The following FAM135B variants were observed in gnomAD, a reference collection of about 807,000 sequenced individuals.
FAM135B encodes the protein protein FAM135B.
Under a neutral mutation model 127.7 loss-of-function variants are expected in FAM135B, and 43 were observed. The ratio of observed to expected loss-of-function variants is 0.34; its 90% confidence interval spans 0.26 to 0.43. The LOEUF (loss-of-function observed/expected upper bound fraction) is 0.43. FAM135B is among the 20% of genes least tolerant of loss of function. FAM135B has a pLI of 1.00. For synonymous variants in FAM135B, 670 were observed against 665.1 expected, an observed-to-expected ratio of 1.01 and a Z score of -0.11; for missense variants, 1,558 against 1,725.6, an observed-to-expected ratio of 0.90 and a Z score of 1.72.
intron 2 of FAM135B, among the ~76,000 whole-genome samples, chr8:138,348,539 T>C (rs866828558): frequency 3.9e-5 from 6 of 152,320 alleles, no homozygotes; most frequent in Admixed American, 2.0e-4. Context: ...ACTCAATCCT[T>C]CACCATTTTC....
intron 15 of FAM135B, among the ~76,000 whole-genome samples, chr8:138,145,391 C>G (rs1817565237): frequency 6.6e-6 from 1 of 152,140 alleles, no homozygotes; most frequent in African/African-American, 2.4e-5. Flanking sequence ...TCCTGGAGAT[C>G]ATATATAGTA....
At chr8:138,222,675 GGT>G (rs758010163) in intron 7 of FAM135B, among the ~76,000 whole-genome samples, 5,347 of 131,556 alleles carry the variant, frequency 0.041, 169 homozygotes, top group East Asian at 0.24. Flanking sequence ...TTTTGTTGGT[GGT>G]GTTTTTTTTT....
chr8:138,406,205 A>G (rs2131382726), intron 1 of FAM135B, among the ~76,000 whole-genome samples: 1 of 152,050 alleles, frequency 6.6e-6, no homozygotes, highest in African/African-American at 2.4e-5. Flanking sequence ...GCTGTGCAGA[A>G]GCTCTTTAGT....
At chr8:138,367,855 C>G (rs2131215793) in intron 2 of FAM135B, 52 bp downstream of exon 2, 9 of 1,357,176 alleles carry the variant, frequency 6.6e-6, no homozygotes, top group Non-Finnish European at 8.3e-6. Flanking sequence ...CGGAAAGAAA[C>G]AAACAACACA....
intron 1 of FAM135B, among the ~76,000 whole-genome samples, chr8:138,473,030 T>C (rs556912354): frequency 6.6e-6 from 1 of 152,290 alleles, no homozygotes. Flanking sequence ...ATATGAATTA[T>C]TACATTCTGG....
rs2130691885 is a variant in FAM135B, at chr8:138,148,608, A to T, written c.3360T>A (p.Ala1120=). 1 of 1,611,994 alleles carries T rather than the reference A, an allele frequency of 6.2e-7. No individual in the cohort carries two copies. Among genetic ancestry groups the T allele is most frequent in the Non-Finnish European group, 8.5e-7 (1 of 1,178,084 alleles). Residue 1120 remains alanine (A), a synonymous_variant, in exon 14 of 20, where the codon GCT becomes GCA. Coordinates refer to ENST00000395297, the MANE Select transcript of FAM135B (RefSeq NM_015912.4). The part of the protein sequence containing the change: ...GFLYSDLTVL[A]SDIPYFPPEE... Reference sequence around the variant, plus strand: ...CTGGTGGGAAATATGGTATATCAGAAGCTAGTACAGTTAAGTCACTGTACA... The same window carrying T: ...CTGGTGGGAAATATGGTATATCAGATGCTAGTACAGTTAAGTCACTGTACA...
At chr8:138,256,496 A>T (rs1226767846) in intron 5 of FAM135B, among the ~76,000 whole-genome samples, 193 bp downstream of exon 5, 1 of 152,184 alleles carries the variant, frequency 6.6e-6, no homozygotes, top group Non-Finnish European at 1.5e-5. Flanking sequence ...TGCCTGACTA[A>T]AACGTATGTG....
chr8:138,283,700 C>A (rs1378264428), intron 3 of FAM135B, among the ~76,000 whole-genome samples: 1 of 152,046 alleles, frequency 6.6e-6, no homozygotes, highest in Non-Finnish European at 1.5e-5. Context: ...ATACGAAAGG[C>A]AGTTACTATG....
chr8:138,310,899 G>A lies in FAM135B; in HGVS notation c.99C>T (p.Thr33=). 6.2e-7 allele frequency: 1 copy of A among 1,613,594 alleles called. No individual in the cohort carries two copies. Among genetic ancestry groups the A allele is most frequent in the Middle Eastern group, 1.7e-4 (1 of 6,058 alleles). The change falls in exon 3 of 20, where the codon ACC becomes ACT. Residue 33 remains threonine (T), a synonymous_variant. Transcript: ENST00000395297. ...FQRGYYQIRV[T]LKVSSRIPHR... ...GGGGGATCCTTGAAGACACCTTCAA[G>A]GTCACTCGGATCTGGTAATACCTAA...
rs561159328 is a variant in FAM135B at position 138,130,526 on chromosome 8, G to A, written c.*2067C>T. 9 of 152,208 alleles carry A rather than the reference G, an allele frequency of 5.9e-5. 1 individual carries two copies. In the South Asian group the frequency reaches 8.3e-4, roughly 14 times the overall value. 9.4% of individuals were successfully genotyped at this position (152,208 alleles called of 1,614,324 possible). ...AGATGATGATCATCAGATTCATCCC[G>A]GCTCCATAACCGCGGGCTACACAGT... On this transcript the variant is annotated 3_prime_UTR_variant, in exon 20 of 20. Coordinates refer to ENST00000395297, the MANE Select transcript of FAM135B (RefSeq NM_015912.4).
At chr8:138,418,529 A>AT (rs1402737592) in intron 1 of FAM135B, among the ~76,000 whole-genome samples, 2 of 152,202 alleles carry the variant, frequency 1.3e-5, no homozygotes, top group African/African-American at 4.8e-5. Context: ...GAAAAAAAAA[A>AT]GTAAAGGCAG....
chr8:138,149,909 C>T (rs1320851491), intron 13 of FAM135B, among the ~76,000 whole-genome samples: 2 of 152,104 alleles, frequency 1.3e-5, no homozygotes, highest in African/African-American at 2.4e-5. Context: ...AAACCCTGAC[C>T]AGGCAGGCAC....
intron 1 of FAM135B, among the ~76,000 whole-genome samples, chr8:138,457,032 A>G (rs1368129072): frequency 6.6e-6 from 1 of 152,172 alleles, no homozygotes; most frequent in African/African-American, 2.4e-5. Context: ...GAACAAAAAA[A>G]AAAAAGCTTT....
chr8:138,385,768 C>T (rs151138658), intron 1 of FAM135B, among the ~76,000 whole-genome samples: 132 of 152,056 alleles, frequency 8.7e-4, no homozygotes, highest in African/African-American at 2.9e-3. Flanking sequence ...GCTGAGATGG[C>T]ACCAGTGCAC....
intron 1 of FAM135B, among the ~76,000 whole-genome samples, chr8:138,383,016 G>T (rs1831955908): frequency 6.6e-6 from 1 of 152,120 alleles, no homozygotes; most frequent in Admixed American, 6.5e-5. Context: ...CTGGGAAAGG[G>T]GCCAGATCAA....
chr8:138,284,523 C>G (rs575988516), intron 3 of FAM135B, among the ~76,000 whole-genome samples: 8 of 152,096 alleles, frequency 5.3e-5, no homozygotes, highest in African/African-American at 1.9e-4. Flanking sequence ...TTTCTCCCAC[C>G]CCTCCATCTC....
At chr8:138,246,769 T>C (rs925700474) in intron 6 of FAM135B, among the ~76,000 whole-genome samples, 1 of 152,036 alleles carries the variant, frequency 6.6e-6, no homozygotes, top group African/African-American at 2.4e-5. Flanking sequence ...GATCCACCAA[T>C]AGCTTGCACC....
In FAM135B at chr8:138,242,288, G is replaced by A. The variant is rs961376040; in HGVS notation, c.669+654C>T. On this transcript the variant is annotated intron_variant, in intron 7 of 19. Transcript: ENST00000395297. The surrounding 1 kb of genome is among the most constrained non-coding windows in gnomAD (Gnocchi z 9.6). ...ATACAGGCTGTTTATTTATGAGTAG[G>A]CCACTAATAAAAACATAGCATATAC... Among the ~76,000 whole-genome samples, 1 of 150,496 alleles carries A rather than the reference G, an allele frequency of 6.6e-6. No homozygotes were observed. The highest frequency in any genetic ancestry group is 2.5e-5 in the African/African-American group (1 of 40,812).
chr8:138,328,923 A>G (rs890145333), intron 2 of FAM135B, among the ~76,000 whole-genome samples: 1 of 152,242 alleles, frequency 6.6e-6, no homozygotes, highest in Non-Finnish European at 1.5e-5. Context: ...TACTGTATGT[A>G]CTCAGAAAAT....
Sources: gnomAD v4.1 joint callset for allele counts (sites outside exome capture counted in the v4.1 genomes callset) on GRCh38, gnomAD v4.1.1 for gene constraint, Gnocchi (gnomAD v3.1) non-coding constraint, MANE v1.5 for transcripts, NCBI Gene and HGNC (gene_info 2026-07-23, HGNC 2026-07-21) for gene names.